The following CUX1 variants were observed in gnomAD, a reference collection of about 807,000 sequenced individuals.
CUX1 encodes the protein protein CASP.
A neutral mutation model predicts 158.8 loss-of-function variants in CUX1; 31 were observed. The observed-to-expected ratio is 0.20, with a 90% CI of 0.15 to 0.26. CUX1 has a LOEUF of 0.26. CUX1 is among the 10% of genes least tolerant of loss of function. The pLI, the probability that CUX1 is intolerant of heterozygous loss-of-function variation, is 1.00. For missense variants in CUX1, 1,589 were observed against 2,014.6 expected (o/e 0.79, Z 4.04); for synonymous variants, 879 against 862.1 (o/e 1.02, Z -0.34).
chr7:101,904,625 G>A (rs187642994), intron 1 of CUX1, among the ~76,000 whole-genome samples: 2 of 148,352 alleles, frequency 1.3e-5, no homozygotes, highest in African/African-American at 5.0e-5. Context: ...CTGGAGTGTA[G>A]TGGTGTGATC....
chr7:101,853,046 C>A (rs997618183), intron 1 of CUX1, among the ~76,000 whole-genome samples: 3 of 152,072 alleles, frequency 2.0e-5, no homozygotes, highest in Non-Finnish European at 4.4e-5. Flanking sequence ...AGTTGCATAC[C>A]ATGCATTTTG....
intron 10 of CUX1, among the ~76,000 whole-genome samples, chr7:102,174,485 T>TC (rs1792082932): frequency 6.6e-6 from 1 of 152,160 alleles, no homozygotes; most frequent in South Asian, 2.1e-4. Flanking sequence ...CCCATGTCTC[T>TC]CCCAGCCATC....
intron 14 of CUX1, among the ~76,000 whole-genome samples, chr7:102,196,078 C>T (rs544192576): frequency 1.3e-5 from 2 of 152,330 alleles, no homozygotes; most frequent in East Asian, 3.9e-4. Flanking sequence ...GCTCATCCCC[C>T]AAATGGTGGC....
Position 101,984,119 on chromosome 7 carries a change from TATATATATATACAC to T in CUX1, c.142-43977_142-43964del, listed in dbSNP as rs1339006565. ...ATATATATATATATATATATATATA[TATATATATATACAC>T]ACACACATATATATATGTGTGTGTG... On this transcript the variant is annotated intron_variant, in intron 2 of 23. Transcript: ENST00000292535. Among the ~76,000 whole-genome samples, 62 of 44,144 alleles carry T rather than the reference TATATATATATACAC, an allele frequency of 1.4e-3. 3 individuals are homozygous for T. The highest frequency in any genetic ancestry group is 4.8e-3 in the African/African-American group (61 of 12,600). The allele number at this position is 44,144 out of a possible 152,430, so 29.0% of individuals were successfully genotyped here.
intron 1 of CUX1, among the ~76,000 whole-genome samples, chr7:101,828,064 C>T (rs775025822): frequency 2.0e-5 from 3 of 150,530 alleles, no homozygotes; most frequent in African/African-American, 4.9e-5. Context: ...CAACCTTCGC[C>T]TCCCAGGTTC....
intron 8 of CUX1, among the ~76,000 whole-genome samples, chr7:102,154,710 A>C (rs529397451): frequency 6.6e-6 from 1 of 152,362 alleles, no homozygotes; most frequent in Admixed American, 6.5e-5. Flanking sequence ...GCAAAATATA[A>C]AAGAAAAGTT....
At chr7:102,122,959 G>A (rs1447893040) in intron 8 of CUX1, among the ~76,000 whole-genome samples, 7 of 151,998 alleles carry the variant, frequency 4.6e-5, no homozygotes, top group East Asian at 1.9e-4. Flanking sequence ...AGCCGGGCAC[G>A]GTGGCTCATA....
chr7:102,013,049 G>T (rs1219725486), intron 2 of CUX1, among the ~76,000 whole-genome samples: 1 of 150,446 alleles, frequency 6.6e-6, no homozygotes, highest in Non-Finnish European at 1.5e-5. Context: ...GATGTAGCAA[G>T]AATGTAAATA....
rs183142785 is a variant in CUX1 at position 102,207,482 on chromosome 7, G to A, written c.3130+2312G>A. Among the ~76,000 whole-genome samples, 995 of 151,500 alleles carry A rather than the reference G, an allele frequency of 6.6e-3. 8 individuals carry two copies. The highest frequency in any genetic ancestry group is 0.023 in the African/African-American group (949 of 41,216). ...TTTTTTTTTTTTGAGACAGAGTCTC[G>A]CTGTGTCACCCAGGCTGGAGTGCAG... On this transcript the variant is annotated intron_variant, in intron 20 of 23. Coordinates refer to ENST00000292535, the MANE Select transcript of CUX1 (RefSeq NM_181552.4).
intron 6 of CUX1, among the ~76,000 whole-genome samples, chr7:102,109,944 A>G (rs556466570): frequency 6.6e-6 from 1 of 152,286 alleles, no homozygotes; most frequent in Middle Eastern, 3.4e-3. Context: ...CCTAGAAACA[A>G]TCTGAGTGTC....
chr7:102,211,448 C>T (rs1057443895), intron 20 of CUX1, among the ~76,000 whole-genome samples: 19 of 151,112 alleles, frequency 1.3e-4, no homozygotes, highest in Admixed American at 2.0e-4. Context: ...CCTCTCCGCC[C>T]GCAAAAAAAG....
At chr7:102,171,229 G>A (rs967340006) in intron 10 of CUX1, among the ~76,000 whole-genome samples, 6 of 152,106 alleles carry the variant, frequency 3.9e-5, no homozygotes, top group Non-Finnish European at 7.4e-5. Flanking sequence ...AGCCCCCAGT[G>A]CAGACCCCAG....
intron 5 of CUX1, among the ~76,000 whole-genome samples, chr7:102,099,998 G>C (rs1554485858): frequency 2.0e-5 from 3 of 152,118 alleles, no homozygotes; most frequent in African/African-American, 7.2e-5. Context: ...AACAGCTCCA[G>C]GCCAGGTGCA....
chr7:101,915,989 A>G (rs959610672), intron 1 of CUX1, 126 bp from the exon 2 acceptor site: 1 of 680,960 alleles, frequency 1.5e-6, no homozygotes, highest in African/African-American at 1.8e-5. Context: ...TCCTCTGCCA[A>G]TGAGTTGATG....
intron 6 of CUX1, among the ~76,000 whole-genome samples, chr7:102,106,934 A>C (rs965863): frequency 0.084 from 12,734 of 152,278 alleles, 714 homozygotes; most frequent in African/African-American, 0.15. Flanking sequence ...GACTTCATTC[A>C]AAAAGAAAAC....
At chr7:101,844,273 C>T (rs187455916) in intron 1 of CUX1, among the ~76,000 whole-genome samples, 6 of 142,944 alleles carry the variant, frequency 4.2e-5, no homozygotes, top group Non-Finnish European at 7.5e-5. Context: ...GGAATAAAGT[C>T]TCTTTCCTCC....
intron 2 of CUX1, among the ~76,000 whole-genome samples, chr7:101,949,850 T>C (rs765273040): frequency 1.3e-5 from 2 of 151,776 alleles, no homozygotes; most frequent in Non-Finnish European, 2.9e-5. Flanking sequence ...CTTTTTCTGC[T>C]AGACAGTGGT....
At chr7:102,217,213 C>T (rs1303821105) in intron 20 of CUX1, among the ~76,000 whole-genome samples, 1 of 152,242 alleles carries the variant, frequency 6.6e-6, no homozygotes, top group South Asian at 2.1e-4. Flanking sequence ...AGACTGAGTT[C>T]ACTACCAAAA....
intron 1 of CUX1, among the ~76,000 whole-genome samples, chr7:101,866,421 A>G (rs1417028661): frequency 6.6e-6 from 1 of 152,084 alleles, no homozygotes; most frequent in Admixed American, 6.6e-5. Flanking sequence ...GTGAGCCGGG[A>G]TTGCACCACT....
Sources: gnomAD v4.1 joint callset for allele counts (sites outside exome capture counted in the v4.1 genomes callset) on GRCh38, gnomAD v4.1.1 for gene constraint, MANE v1.5 for transcripts, NCBI Gene and HGNC (gene_info 2026-07-23, HGNC 2026-07-21) for gene names.